Variants in PPP6R2 observed in about 807,000 individuals in gnomAD.
The protein encoded by PPP6R2 is serine/threonine-protein phosphatase 6 regulatory subunit 2.
A neutral mutation model predicts 100.2 loss-of-function variants in PPP6R2; 62 were observed. The observed-to-expected ratio is 0.62, with a 90% confidence interval of 0.50 to 0.76. The LOEUF is 0.76. Among genes scored for constraint, PPP6R2 ranks in the 30% least tolerant of loss-of-function variants. The pLI is 0.00. For synonymous variants in PPP6R2, 525 were observed against 514.7 expected, an observed-to-expected ratio of 1.02 and a Z score of -0.27; for missense variants, 1,142 against 1,276.3, an observed-to-expected ratio of 0.89 and a Z score of 1.60.
At position 50,431,455 on chromosome 22, in the gene PPP6R2, C is replaced by T. The variant is rs562770875; in HGVS notation, c.1335+73C>T. 18 of 1,369,626 alleles carry T rather than the reference C, an allele frequency of 1.3e-5. No homozygotes were observed. Among genetic ancestry groups the T allele is most frequent in the African/African-American group, 7.1e-5 (5 of 70,048 alleles). 84.8% of individuals were successfully genotyped at this position (1,369,626 alleles called of 1,614,324 possible). ...CAGACCGTGTCCATGTCAGCGCTGA[C>T]GTGTGCCGGACCTCACTGTGCAGCT... On this transcript the variant is annotated intron_variant, in intron 11 of 23. Coordinates refer to ENST00000612753, the MANE Select transcript of PPP6R2 (RefSeq NM_001242898.2). The surrounding 1 kb of genome is among the most constrained non-coding windows in gnomAD (Gnocchi z 4.8).
intron 6 of PPP6R2, among the ~76,000 whole-genome samples, chr22:50,418,274 CT>C (rs1394761456): frequency 2.1e-4 from 32 of 152,138 alleles, no homozygotes; most frequent in African/African-American, 7.5e-4. Context: ...AAAGAAAACT[CT>C]AACCAGATCT....
At chr22:50,437,695 T>G in intron 16 of PPP6R2, 92 bp downstream of exon 16, 1 of 1,404,570 alleles carries the variant, frequency 7.1e-7, no homozygotes, top group African/African-American at 1.4e-5. Context: ...TTGCCGGGAG[T>G]GCCGTCTGAT....
At chr22:50,414,978 T>A (rs1399646921) in intron 5 of PPP6R2, among the ~76,000 whole-genome samples, 1 of 152,200 alleles carries the variant, frequency 6.6e-6, no homozygotes, top group Non-Finnish European at 1.5e-5. Flanking sequence ...GCCTGCCTCC[T>A]TTTCCCCTGC....
the PPP6R2 span, among the ~76,000 whole-genome samples, chr22:50,331,615 T>G: frequency 2.9e-5 from 1 of 34,886 alleles, no homozygotes; most frequent in South Asian, 5.4e-4. Context: ...TTTTTGCCTA[T>G]TTTTTTTAAC....
At position 50,422,317 on chromosome 22, in the gene PPP6R2, C is replaced by T. The variant is rs547118539; in HGVS notation, c.909C>T (p.Ser303=). Residue 303 remains serine, a synonymous_variant, in exon 9 of 24, where the codon AGC becomes AGT. Coordinates refer to ENST00000612753, the MANE Select transcript of PPP6R2 (RefSeq NM_001242898.2). ...GLERSYAVSS[S]VLHGIEPRLK... Reference sequence around the variant, plus strand: ...AAAGGTCATACGCTGTCAGCAGCAGCGTACTACACGGCATCGAGCCTCGGC... The same window carrying T: ...AAAGGTCATACGCTGTCAGCAGCAGTGTACTACACGGCATCGAGCCTCGGC... The T allele has an allele frequency of 6.8e-5, 110 of 1,614,084 alleles. No individual in the cohort carries two copies. The highest frequency in any genetic ancestry group is 3.5e-4 in the African/African-American group (26 of 75,034).
chr22:50,401,454 G>A (rs992054476), intron 3 of PPP6R2, among the ~76,000 whole-genome samples: 17 of 83,326 alleles, frequency 2.0e-4, no homozygotes, highest in African/African-American at 7.4e-4. Flanking sequence ...TGATCCGCCC[G>A]CCTCGGCCTC....
At chr22:50,359,061 G>A (rs1268266720) in intron 1 of PPP6R2, among the ~76,000 whole-genome samples, 4 of 141,542 alleles carry the variant, frequency 2.8e-5, no homozygotes, top group Non-Finnish European at 6.0e-5. Context: ...GTTCAGTGGC[G>A]CGATCTCCAC....
Position 50,436,432 on chromosome 22 carries a change from C to G in PPP6R2, c.1582C>G (p.Arg528Gly), listed in dbSNP as rs998425904. ...GGAGGAGACGCTGACGGAGACGAAC[C>G]GCAGGAACACTGTGGACCTGGTGAG... The part of the protein sequence containing the change: ...FVEETLTETN[R>G]RNTVDLVSTH... The change falls in exon 14 of 24, where the codon CGC becomes GGC. Residue 528 changes from arginine (R) to glycine (G), a missense_variant. Coordinates refer to ENST00000612753, the MANE Select transcript of PPP6R2 (RefSeq NM_001242898.2). 1 of 1,592,608 alleles carries G rather than the reference C, an allele frequency of 6.3e-7. No homozygotes were observed. The highest frequency in any genetic ancestry group is 8.5e-7 in the Non-Finnish European group (1 of 1,171,050).
chr22:50,332,695 C>T, the PPP6R2 span, among the ~76,000 whole-genome samples: 2 of 149,226 alleles, frequency 1.3e-5, no homozygotes, highest in Admixed American at 1.3e-4. Context: ...GTGATCTTGG[C>T]TCACTGCAGC....
At chr22:50,425,079 G>A (rs980290393) in intron 10 of PPP6R2, among the ~76,000 whole-genome samples, 1 of 152,094 alleles carries the variant, frequency 6.6e-6, no homozygotes. Context: ...ATCTTGTATA[G>A]CCATTACCAT....
At chr22:50,389,606 T>C (rs1422237171) in intron 2 of PPP6R2, among the ~76,000 whole-genome samples, 3 of 145,726 alleles carry the variant, frequency 2.1e-5, no homozygotes. Flanking sequence ...CAGGCTGGAG[T>C]GTAGTGGCGT....
intron 3 of PPP6R2, among the ~76,000 whole-genome samples, chr22:50,396,492 C>A (rs1337188217): frequency 8.1e-6 from 1 of 123,730 alleles, no homozygotes; most frequent in Non-Finnish European, 1.7e-5. Context: ...GAGACTCCGT[C>A]TCAAAAAAAA....
chr22:50,416,145 C>T lies in PPP6R2; in HGVS notation c.606C>T (p.Ser202=). 1 of 1,613,228 alleles carries T rather than the reference C, an allele frequency of 6.2e-7. No homozygotes were observed. Among genetic ancestry groups the T allele is most frequent in the Non-Finnish European group, 8.5e-7 (1 of 1,179,374 alleles). ...GGCTTGTGGAGTTGATCCACCCGAG[C>T]CAGGATGAAGATGTGAGTGTGCTGC... is the stretch of plus-strand genomic sequence containing the variant. ...IQRLVELIHP[S]QDEDRQSNAS... Residue 202 remains serine, a synonymous_variant, in exon 6 of 24, where the codon AGC becomes AGT. Coordinates refer to ENST00000612753, the MANE Select transcript of PPP6R2 (RefSeq NM_001242898.2).
At chr22:50,443,763 C>A in intron 22 of PPP6R2, 103 bp from the exon 23 acceptor site, 2 of 1,449,004 alleles carry the variant, frequency 1.4e-6, no homozygotes, top group East Asian at 2.5e-5. Flanking sequence ...AGATGGTGCT[C>A]CCAGGCCGCC....
At chr22:50,351,026 GTTTTTTTTT>G (rs1195469509) in intron 1 of PPP6R2, among the ~76,000 whole-genome samples, 1 of 80,748 alleles carries the variant, frequency 1.2e-5, no homozygotes, top group East Asian at 4.6e-4. Context: ...TCTCAACAGT[GTTTTTTTTT>G]TTTTTTTTTT....
chr22:50,433,475 T>C (rs1297677842), intron 12 of PPP6R2, among the ~76,000 whole-genome samples: 7 of 36,564 alleles, frequency 1.9e-4, no homozygotes, highest in Admixed American at 6.9e-4. Flanking sequence ...GGAGGAGGGC[T>C]GGGGGTGCGG....
Position 50,438,216 on chromosome 22 carries a change from C to T in PPP6R2, c.1882C>T (p.Gln628Ter). 1 of 1,613,964 alleles carries T rather than the reference C, an allele frequency of 6.2e-7. No individual in the cohort carries two copies. The highest frequency in any genetic ancestry group is 8.5e-7 in the Non-Finnish European group (1 of 1,179,998). ...LFEACCSDRI[Q>*]PFDDDEDEDI... ...TGAGGCCTGCTGCAGTGACCGCATCCAGCCCTTTGATGATGATGAGGACGA... is the reference window on the plus strand; with the variant it reads ...TGAGGCCTGCTGCAGTGACCGCATCTAGCCCTTTGATGATGATGAGGACGA... Residue 628 changes from glutamine to a stop codon, truncating the protein, a stop_gained, in exon 18 of 24, where the codon CAG (glutamine) becomes TAG (stop). Transcript: ENST00000612753. LOFTEE classifies it high-confidence loss of function.
In PPP6R2 at chr22:50,418,844, CTG is replaced by C. The variant is rs769827258; in HGVS notation, c.619-19_619-18del. On this transcript the variant is annotated intron_variant, in intron 6 of 23. Coordinates refer to ENST00000612753, the MANE Select transcript of PPP6R2 (RefSeq NM_001242898.2). ...TGTTTCTTCTCCACACTGAGGGACT[CTG>C]TGTTTCCCTTGTCTTTTCAGAGGCA... is the stretch of plus-strand genomic sequence containing the variant. The C allele has an allele frequency of 2.5e-6, 4 of 1,578,366 alleles. No individual in the cohort carries two copies. The Admixed American group carries it at 5.0e-5, about 20-fold the overall frequency.
chr22:50,367,754 G>C (rs2049054158), intron 1 of PPP6R2, among the ~76,000 whole-genome samples: 1 of 152,144 alleles, frequency 6.6e-6, no homozygotes, highest in Non-Finnish European at 1.5e-5. Flanking sequence ...GCCCTACAGG[G>C]CCTGTGGGTT....
Sources: allele counts gnomAD v4.1 joint callset (sites outside exome capture counted in the v4.1 genomes callset), GRCh38; gene constraint gnomAD v4.1.1; non-coding constraint Gnocchi (gnomAD v3.1); transcripts MANE v1.5; gene names NCBI Gene and HGNC (gene_info 2026-07-23, HGNC 2026-07-21).